Variants in MCC observed in about 807,000 individuals in gnomAD.
The protein encoded by MCC is MCC regulator of Wnt signaling pathway, also known as colorectal mutant cancer protein.
A neutral mutation model predicts 116.2 loss-of-function variants in MCC; 90 were observed. The observed-to-expected ratio is 0.77, with a 90% CI of 0.65 to 0.92. The LOEUF is 0.92. MCC is among the 40% of genes least tolerant of loss of function. The probability of loss-of-function intolerance (pLI) is 0.00; values close to 1 mark genes in which losing one functional copy is unlikely to be tolerated. For missense variants in MCC, 1,516 were observed against 1,312.2 expected (o/e 1.16, Z -2.40); for synonymous variants, 578 against 510.5 (o/e 1.13, Z -1.78).
rs536053708 is a variant in MCC, at chr5:113,117,438, G to A, written c.1027+5246C>T. Among the ~76,000 whole-genome samples the A allele has an allele frequency of 5.9e-5, 9 of 152,308 alleles. No individual in the cohort carries two copies. The South Asian group carries it at 1.0e-3, about 18-fold the overall frequency. On this transcript the variant is annotated intron_variant, in intron 6 of 18. Coordinates refer to ENST00000408903, the MANE Select transcript of MCC (RefSeq NM_001085377.2). ...GTATTCTATGCATAGGACACCTTGC[G>A]GGTATAAGAGTAGATTTCAACCCTA... is the stretch of plus-strand genomic sequence containing the variant.
intron 2 of MCC, among the ~76,000 whole-genome samples, chr5:113,353,516 T>C (rs1432903086): frequency 1.3e-5 from 2 of 152,230 alleles, no homozygotes; most frequent in African/African-American, 2.4e-5. Context: ...GTTCCCTTTT[T>C]GTTAGCAGGC....
rs567464213 is a variant in MCC at position 113,046,570 on chromosome 5, G to T, written c.2655+2523C>A. Among the ~76,000 whole-genome samples, 12 of 151,582 alleles carry T rather than the reference G, an allele frequency of 7.9e-5. No homozygotes were observed. In the South Asian group the frequency reaches 2.5e-3, roughly 32 times the overall value. ...TAAATACCAGGAACTAGGGGAAAAT[G>T]CTCAGTTCATGGGCCTTCTGGCAAG... On this transcript the variant is annotated intron_variant, in intron 16 of 18. Coordinates refer to ENST00000408903, the MANE Select transcript of MCC (RefSeq NM_001085377.2).
In MCC at chr5:113,060,991, C is replaced by A. The variant is rs553366843; in HGVS notation, c.2213+2993G>T. On this transcript the variant is annotated intron_variant, in intron 14 of 18. Transcript: ENST00000408903. ...CTAGGTGGCTGTTTCAAAAAATTCA[C>A]CCTTTCAATGGACATGATTTCACTC... Among the ~76,000 whole-genome samples, 40 of 152,310 alleles carry A rather than the reference C, an allele frequency of 2.6e-4. No homozygotes were observed. In the South Asian group the frequency reaches 8.3e-3, roughly 32 times the overall value.
chr5:113,406,098 A>T (rs1769823905), intron 1 of MCC, among the ~76,000 whole-genome samples: 1 of 152,292 alleles, frequency 6.6e-6, no homozygotes, highest in East Asian at 1.9e-4. Flanking sequence ...TAGAAATAAC[A>T]ACCGAGAAAG....
intron 1 of MCC, among the ~76,000 whole-genome samples, chr5:113,388,431 T>C (rs1355549540): frequency 1.3e-5 from 2 of 152,182 alleles, no homozygotes; most frequent in Non-Finnish European, 2.9e-5. Flanking sequence ...TAATCTACAA[T>C]GTTGGAGGTG....
chr5:113,321,374 C>A (rs1767418820), intron 3 of MCC, among the ~76,000 whole-genome samples: 1 of 151,996 alleles, frequency 6.6e-6, no homozygotes, highest in South Asian at 2.1e-4. Context: ...GTTTCTGGAA[C>A]CTGAAGCAAC....
intron 4 of MCC, among the ~76,000 whole-genome samples, chr5:113,144,160 G>A (rs1413321076): frequency 6.6e-6 from 1 of 152,190 alleles, no homozygotes; most frequent in African/African-American, 2.4e-5. Context: ...AGGCAGAGGA[G>A]CTTCCCTTGC....
intron 1 of MCC, among the ~76,000 whole-genome samples, chr5:113,396,981 T>A (rs1561551114): frequency 6.6e-6 from 1 of 152,262 alleles, no homozygotes; most frequent in East Asian, 1.9e-4. Flanking sequence ...GCATAAAAAT[T>A]ATATTCTACA....
rs542021783 is a variant in MCC at position 113,173,485 on chromosome 5, T to A, written c.628-22063A>T. ...TTAAAAATAATATTTTAGCTATTTG[T>A]TTATTCTTCCTGATAAATATAAGGT... On this transcript the variant is annotated intron_variant, in intron 3 of 18. Transcript: ENST00000408903. 1.2e-3 allele frequency among the ~76,000 whole-genome samples: 185 copies of A among 152,322 alleles called. 1 individual carries two copies. The highest frequency in any genetic ancestry group is 4.4e-3 in the African/African-American group (181 of 41,570).
intron 3 of MCC, among the ~76,000 whole-genome samples, chr5:113,250,012 C>A (rs748965087): frequency 6.6e-6 from 1 of 152,194 alleles, no homozygotes; most frequent in South Asian, 2.1e-4. Flanking sequence ...GGAACCACCA[C>A]CAAATAAGAA....
At chr5:113,275,587 A>T (rs1765790317) in intron 3 of MCC, among the ~76,000 whole-genome samples, 1 of 152,228 alleles carries the variant, frequency 6.6e-6, no homozygotes, top group South Asian at 2.1e-4. Context: ...AGGCTCATGC[A>T]GAGACAGGTA....
At chr5:113,048,021 G>C (rs950741044) in intron 16 of MCC, among the ~76,000 whole-genome samples, 2 of 152,196 alleles carry the variant, frequency 1.3e-5, no homozygotes, top group Non-Finnish European at 2.9e-5. Flanking sequence ...AGTCAAGGAG[G>C]AAATGCAGTG....
chr5:113,022,502 AC>A lies in MCC; in HGVS notation c.*4799del, dbSNP rs1237415302. ...AGTAAATAAATCTTGATGTCTAAAA[AC>A]TGATTAGAACTAGAAAAGAAGTGGA... On this transcript the variant is annotated 3_prime_UTR_variant, in exon 19 of 19. Coordinates refer to ENST00000408903, the MANE Select transcript of MCC (RefSeq NM_001085377.2). The A allele has an allele frequency of 6.6e-6, 1 of 152,570 alleles. No individual in the cohort carries two copies. The highest frequency in any genetic ancestry group is 1.9e-4 in the East Asian group (1 of 5,208). The allele number at this position is 152,570 out of a possible 1,614,324, so 9.5% of individuals were successfully genotyped here.
intron 2 of MCC, among the ~76,000 whole-genome samples, chr5:113,360,759 C>T (rs932337393): frequency 2.0e-5 from 3 of 152,202 alleles, no homozygotes; most frequent in African/African-American, 7.2e-5. Context: ...TCTGCAGCAT[C>T]TATAGCAGTC....
chr5:113,122,885 AAT>A, intron 5 of MCC, 59 bp from the exon 6 acceptor site: 4 of 1,547,848 alleles, frequency 2.6e-6, no homozygotes, highest in Non-Finnish European at 2.7e-6. Context: ...CCCCCTAGAG[AAT>A]ATGTCTTTTA....
intron 3 of MCC, chr5:113,204,719 G>C (rs2150320540): frequency 6.6e-6 from 1 of 152,322 alleles, no homozygotes; most frequent in South Asian, 2.1e-4. Flanking sequence ...TTCCAAAGCT[G>C]TTCTCTGTCC....
At chr5:113,309,591 T>C (rs940708504) in intron 3 of MCC, among the ~76,000 whole-genome samples, 1 of 152,234 alleles carries the variant, frequency 6.6e-6, no homozygotes, top group African/African-American at 2.4e-5. Context: ...TCTACACATA[T>C]ATACACACAC....
intron 6 of MCC, among the ~76,000 whole-genome samples, chr5:113,109,985 A>T (rs1436414327): frequency 6.6e-6 from 1 of 151,984 alleles, no homozygotes; most frequent in Non-Finnish European, 1.5e-5. Flanking sequence ...TATTTTAAAA[A>T]TCTTTTTTTT....
intron 3 of MCC, among the ~76,000 whole-genome samples, chr5:113,192,721 G>A (rs144498714): frequency 2.6e-5 from 4 of 152,264 alleles, no homozygotes; most frequent in African/African-American, 4.8e-5. Context: ...TCCAAACAAG[G>A]AAGAACCTGC....
Sources: allele counts gnomAD v4.1 joint callset (sites outside exome capture counted in the v4.1 genomes callset), GRCh38; gene constraint gnomAD v4.1.1; transcripts MANE v1.5; gene names NCBI Gene and HGNC (gene_info 2026-07-23, HGNC 2026-07-21).